Variants in MMD2 observed in about 807,000 individuals in gnomAD.
MMD2 encodes monocyte to macrophage differentiation factor 2.
Under a neutral mutation model 33.5 loss-of-function variants are expected in MMD2, and 30 were observed. The ratio of observed to expected loss-of-function variants is 0.90; its 90% CI spans 0.67 to 1.22. The LOEUF (loss-of-function observed/expected upper bound fraction) is 1.22, where lower values mean the gene tolerates loss of function less well. MMD2 is among the 50% of genes most tolerant of loss of function. The pLI is 0.00. For synonymous variants in MMD2, 129 were observed against 123.0 expected, an observed-to-expected ratio of 1.05 and a Z score of -0.32; for missense variants, 364 against 325.4, an observed-to-expected ratio of 1.12 and a Z score of -0.91.
At chr7:4,939,011 C>A (rs1280983412) in intron 1 of MMD2, among the ~76,000 whole-genome samples, 1 of 151,590 alleles carries the variant, frequency 6.6e-6, no homozygotes, top group African/African-American at 2.4e-5. Context: ...AGTTGGAGAC[C>A]AGCCTGGCCA....
At chr7:4,914,129 G>T (rs1280410889) in intron 4 of MMD2, among the ~76,000 whole-genome samples, 2 of 152,150 alleles carry the variant, frequency 1.3e-5, no homozygotes, top group African/African-American at 2.4e-5. Context: ...GGGAGCACAG[G>T]CACATGCCAT....
In MMD2 at chr7:4,915,996, G is replaced by C. The variant is rs193275285; in HGVS notation, c.365+9C>G. On this transcript the variant is annotated intron_variant, in intron 4 of 6. Coordinates refer to ENST00000401401, the MANE Select transcript of MMD2 (RefSeq NM_198403.4). ...CCAAGGGTTTGCTGGGCGGCGGGAC[G>C]GTACTCACCAGGGTGCGTAGGAAGC... The C allele has an allele frequency of 6.2e-7, 1 of 1,612,830 alleles. No individual in the cohort carries two copies. The highest frequency in any genetic ancestry group is 1.1e-5 in the South Asian group (1 of 91,050).
At chr7:4,948,553 T>G (rs1353197992) in intron 1 of MMD2, among the ~76,000 whole-genome samples, 1 of 151,306 alleles carries the variant, frequency 6.6e-6, no homozygotes, top group African/African-American at 2.4e-5. Context: ...AATCCACATG[T>G]TGAAATCCTC....
chr7:4,916,154 T>C, intron 3 of MMD2, 75 bp from the exon 4 acceptor site: 1 of 1,427,790 alleles, frequency 7.0e-7, no homozygotes, highest in Non-Finnish European at 9.8e-7. Context: ...AGCCGTGCCC[T>C]GGACTGATCG....
chr7:4,922,765 C>T (rs1785320900), intron 2 of MMD2, among the ~76,000 whole-genome samples: 2 of 152,034 alleles, frequency 1.3e-5, no homozygotes, highest in Admixed American at 1.3e-4. Context: ...TTTGCGATCA[C>T]CTACCATGCC....
chr7:4,931,136 C>T lies in MMD2; in HGVS notation c.48-5604G>A, dbSNP rs184554738. 4.3e-3 allele frequency among the ~76,000 whole-genome samples: 657 copies of T among 152,248 alleles called. 2 individuals carry two copies. Among genetic ancestry groups the T allele is most frequent in the Middle Eastern group, 0.01 (3 of 294 alleles). On this transcript the variant is annotated intron_variant, in intron 1 of 6. Transcript: ENST00000401401. Reference sequence around the variant, plus strand: ...AAAGTGCCGGGGTTACAGGCGTGAGCCACTGTGCCCGGCCTTTGTTGTTGG... The same window carrying T: ...AAAGTGCCGGGGTTACAGGCGTGAGTCACTGTGCCCGGCCTTTGTTGTTGG...
rs41403748 is a variant in MMD2 at position 4,906,974 on chromosome 7, G to A, written c.*422C>T. The A allele has an allele frequency of 0.054, 12,236 of 225,284 alleles. 533 individuals are homozygous for A. The highest frequency in any genetic ancestry group is 0.21 in the East Asian group (1,966 of 9,166). The allele number at this position is 225,284 out of a possible 1,614,324, so 14.0% of individuals were successfully genotyped here. ...CCTTTCCCTGAACCAGAGACAATTC[G>A]CCAGCCTGGACTTTGGTAACAGAGA... On this transcript the variant is annotated 3_prime_UTR_variant, in exon 7 of 7. Coordinates refer to ENST00000401401, the MANE Select transcript of MMD2 (RefSeq NM_198403.4).
intron 3 of MMD2, among the ~76,000 whole-genome samples, chr7:4,919,828 G>A (rs892442410): frequency 2.3e-4 from 35 of 152,128 alleles, no homozygotes; most frequent in Middle Eastern, 3.4e-3. Flanking sequence ...CCCAGGAGGC[G>A]GAGGTTGCAA....
intron 1 of MMD2, among the ~76,000 whole-genome samples, chr7:4,939,540 C>G (rs1785843702): frequency 1.3e-5 from 2 of 151,976 alleles, no homozygotes; most frequent in South Asian, 4.2e-4. Context: ...GAGACCTAGT[C>G]TCAGAAAACA....
At chr7:4,920,712 CCCTCCCTT>C (rs1272816441) in intron 2 of MMD2, among the ~76,000 whole-genome samples, 3 of 55,718 alleles carry the variant, frequency 5.4e-5, no homozygotes, top group Non-Finnish European at 9.4e-5. Flanking sequence ...CTCCCTCCCT[CCCTCCCTT>C]CCTCCCTTTC....
chr7:4,925,654 T>G (rs2115113042), intron 1 of MMD2, 122 bp from the exon 2 acceptor site: 1 of 564,444 alleles, frequency 1.8e-6, no homozygotes, highest in African/African-American at 1.9e-5. Context: ...CCTTCTCCCT[T>G]TTTCATCTCC....
At chr7:4,892,685 T>A in the MMD2 span, among the ~76,000 whole-genome samples, 5 of 151,922 alleles carry the variant, frequency 3.3e-5, no homozygotes, top group Non-Finnish European at 2.9e-5. Context: ...GAGTGTTGAT[T>A]TCTAGGTGAT....
intron 1 of MMD2, among the ~76,000 whole-genome samples, chr7:4,929,705 G>T (rs1165865070): frequency 6.6e-6 from 1 of 151,450 alleles, no homozygotes; most frequent in Non-Finnish European, 1.5e-5. Context: ...TTGTATTTTT[G>T]GTAGAGACAG....
Position 4,957,179 on chromosome 7 carries a change from T to A in MMD2, c.47+1792A>T, listed in dbSNP as rs544440857. 1.3e-3 allele frequency among the ~76,000 whole-genome samples: 196 copies of A among 147,064 alleles called. 3 individuals carry two copies. The highest frequency in any genetic ancestry group is 7.8e-3 in the East Asian group (39 of 4,970). The stretch of plus-strand genomic sequence containing the variant: ...AGACTGTCTCAAAAAAAAAAATATA[T>A]ATATATATATATAAATTATCTGGGT... On this transcript the variant is annotated intron_variant, in intron 1 of 6. Coordinates refer to ENST00000401401, the MANE Select transcript of MMD2 (RefSeq NM_198403.4).
the MMD2 span, among the ~76,000 whole-genome samples, chr7:4,898,317 C>G: frequency 4.9e-3 from 744 of 152,288 alleles, 3 homozygotes; most frequent in Non-Finnish European, 8.6e-3. Context: ...CCATGCTGAG[C>G]CCTGCCAATT....
At chr7:4,932,060 G>T (rs1455301656) in intron 1 of MMD2, among the ~76,000 whole-genome samples, 1 of 152,208 alleles carries the variant, frequency 6.6e-6, no homozygotes, top group Non-Finnish European at 1.5e-5. Context: ...TGCAGCCCTG[G>T]CTTCCCCTGC....
chr7:4,956,515 G>T (rs1187827895), intron 1 of MMD2, among the ~76,000 whole-genome samples: 1 of 152,032 alleles, frequency 6.6e-6, no homozygotes, highest in Non-Finnish European at 1.5e-5. Flanking sequence ...AACGAGGAAG[G>T]GAACAGAAAT....
chr7:4,950,831 A>C (rs1786223025), intron 1 of MMD2, among the ~76,000 whole-genome samples: 1 of 151,036 alleles, frequency 6.6e-6, no homozygotes, highest in African/African-American at 2.4e-5. Flanking sequence ...CTCGTGCCTC[A>C]GCCTCTTAAG....
intron 3 of MMD2, among the ~76,000 whole-genome samples, chr7:4,916,731 C>G (rs1449577062): frequency 6.6e-6 from 1 of 152,076 alleles, no homozygotes. Flanking sequence ...GCTTTATATA[C>G]TGGGTTTTTC....
Sources: gnomAD v4.1 joint callset for allele counts (sites outside exome capture counted in the v4.1 genomes callset) on GRCh38, gnomAD v4.1.1 for gene constraint, MANE v1.5 for transcripts, NCBI Gene and HGNC (gene_info 2026-07-23, HGNC 2026-07-21) for gene names.